Variants in IMMP2L observed in about 807,000 individuals in gnomAD.
IMMP2L encodes inner mitochondrial membrane peptidase subunit 2.
In IMMP2L, 18 loss-of-function variants were observed where a neutral mutation model predicts 19.3. The observed-to-expected ratio is 0.93, with a 90% CI of 0.64 to 1.38. The LOEUF is 1.38. Among genes scored for constraint, IMMP2L ranks in the 40% most tolerant of loss-of-function variants. The pLI is 0.00. For missense variants in IMMP2L, 233 were observed against 218.2 expected, an observed-to-expected ratio of 1.07 and a Z score of -0.43; for synonymous variants, 76 against 73.0, an observed-to-expected ratio of 1.04 and a Z score of -0.21.
rs922989854 is a variant in IMMP2L, at chr7:111,417,156, A to C, written c.239+70082T>G. Among the ~76,000 whole-genome samples the C allele has an allele frequency of 3.3e-5, 5 of 151,792 alleles. No homozygotes were observed. In the South Asian group the frequency reaches 1.0e-3, roughly 31 times the overall value. On this transcript the variant is annotated intron_variant, in intron 3 of 5. Transcript: ENST00000405709. ...TTGAGTTTACCATAAAACTCATCAT[A>C]AAGCTTAAGCTTCAGGCCTCCTCAT...
At chr7:111,178,257 G>C (rs1586704120) in intron 3 of IMMP2L, among the ~76,000 whole-genome samples, 1 of 152,016 alleles carries the variant, frequency 6.6e-6, no homozygotes, top group Non-Finnish European at 1.5e-5. Context: ...ATGTGTAATA[G>C]CATTATGTCT....
At chr7:110,777,946 C>G (rs1438852584) in intron 5 of IMMP2L, among the ~76,000 whole-genome samples, 1 of 151,922 alleles carries the variant, frequency 6.6e-6, no homozygotes, top group Non-Finnish European at 1.5e-5. Context: ...CTAACATTTT[C>G]TAACTGATGG....
At position 110,773,116 on chromosome 7, in the gene IMMP2L, T is replaced by C. The variant is rs556638944; in HGVS notation, c.409-109395A>G. Among the ~76,000 whole-genome samples the C allele has an allele frequency of 2.0e-5, 3 of 152,214 alleles. No homozygotes were observed. In the East Asian group the frequency reaches 5.8e-4, roughly 30 times the overall value. ...ACCTAAAAAAGGGTTCTGGTCATCT[T>C]GGAGCAACGTTTCACAAGACACTGT... On this transcript the variant is annotated intron_variant, in intron 5 of 5. Transcript: ENST00000405709.
At chr7:111,060,524 C>G (rs7455821) in intron 3 of IMMP2L, among the ~76,000 whole-genome samples, 116,730 of 152,082 alleles carry the variant, frequency 0.77, 47,775 homozygotes, top group Non-Finnish European at 0.9. Context: ...GGGCTCAGAA[C>G]CAGGCATGTC....
At chr7:110,778,773 C>T (rs12530971) in intron 5 of IMMP2L, among the ~76,000 whole-genome samples, 36,712 of 151,692 alleles carry the variant, frequency 0.24, 5,109 homozygotes, top group African/African-American at 0.38. Flanking sequence ...GTAACAGCAT[C>T]TATTTTTTTT....
At chr7:111,471,957 T>A (rs73426232) in intron 3 of IMMP2L, among the ~76,000 whole-genome samples, 3,539 of 152,208 alleles carry the variant, frequency 0.023, 137 homozygotes, top group African/African-American at 0.08. Flanking sequence ...GACTAGAACC[T>A]AGTCCGTGGG....
chr7:111,428,732 G>T (rs965275738), intron 3 of IMMP2L, among the ~76,000 whole-genome samples: 9 of 151,870 alleles, frequency 5.9e-5, no homozygotes, highest in South Asian at 2.1e-4. Context: ...AAGCTGAAAT[G>T]ACTATCTATA....
intron 1 of IMMP2L, among the ~76,000 whole-genome samples, chr7:111,523,623 C>T (rs369519258): frequency 1.4e-4 from 21 of 152,166 alleles, no homozygotes; most frequent in African/African-American, 5.1e-4. Flanking sequence ...ACATAACATT[C>T]ACCCAAACCA....
intron 3 of IMMP2L, among the ~76,000 whole-genome samples, chr7:111,431,369 G>C (rs762503060): frequency 6.6e-6 from 1 of 151,836 alleles, no homozygotes; most frequent in Non-Finnish European, 1.5e-5. Flanking sequence ...GAGCAAGTCA[G>C]TTTGCTTGGT....
intron 3 of IMMP2L, among the ~76,000 whole-genome samples, chr7:111,464,537 T>C (rs985653958): frequency 6.6e-6 from 1 of 152,152 alleles, no homozygotes; most frequent in Non-Finnish European, 1.5e-5. Context: ...GTGAAATATA[T>C]GCCAAATTAC....
intron 5 of IMMP2L, among the ~76,000 whole-genome samples, chr7:110,733,087 T>C (rs1210245082): frequency 6.6e-6 from 1 of 152,214 alleles, no homozygotes; most frequent in African/African-American, 2.4e-5. Flanking sequence ...GGCCTTCAAT[T>C]GCTTTGATAC....
chr7:111,377,473 C>G (rs185962453), intron 3 of IMMP2L, among the ~76,000 whole-genome samples: 2 of 152,038 alleles, frequency 1.3e-5, no homozygotes, highest in East Asian at 1.9e-4. Context: ...ATGCCCAGCA[C>G]CTGTTCCTGT....
intron 3 of IMMP2L, among the ~76,000 whole-genome samples, chr7:111,319,294 T>C (rs1048851886): frequency 2.6e-5 from 4 of 152,126 alleles, no homozygotes; most frequent in Non-Finnish European, 5.9e-5. Context: ...ATAGTTAAAG[T>C]CCTCATAAGC....
chr7:111,343,687 C>T (rs1336404631), intron 3 of IMMP2L, among the ~76,000 whole-genome samples: 1 of 151,622 alleles, frequency 6.6e-6, no homozygotes, highest in Admixed American at 6.6e-5. Context: ...CAATGCCAGC[C>T]CCATGCTGAG....
intron 4 of IMMP2L, among the ~76,000 whole-genome samples, chr7:110,950,868 A>G (rs866755112): frequency 1.4e-5 from 2 of 140,614 alleles, no homozygotes; most frequent in African/African-American, 5.5e-5. Flanking sequence ...ATATATATAT[A>G]TATGTATATA....
intron 3 of IMMP2L, among the ~76,000 whole-genome samples, chr7:111,442,886 G>A (rs928429816): frequency 1.3e-5 from 2 of 151,816 alleles, no homozygotes; most frequent in African/African-American, 2.4e-5. Context: ...AAATTGAGCT[G>A]GTTTGGACCT....
At chr7:110,849,948 T>A (rs1806032351) in intron 5 of IMMP2L, among the ~76,000 whole-genome samples, 1 of 152,074 alleles carries the variant, frequency 6.6e-6, no homozygotes, top group Non-Finnish European at 1.5e-5. Context: ...TCAAGTGGTC[T>A]TAGAGAATGT....
At chr7:111,000,601 T>C (rs1823564259) in intron 3 of IMMP2L, among the ~76,000 whole-genome samples, 1 of 152,206 alleles carries the variant, frequency 6.6e-6, no homozygotes, top group Non-Finnish European at 1.5e-5. Flanking sequence ...CCCAGTGCTT[T>C]GGGAGACCAA....
intron 4 of IMMP2L, among the ~76,000 whole-genome samples, chr7:110,890,927 T>G (rs1023690181): frequency 6.6e-6 from 1 of 152,168 alleles, no homozygotes; most frequent in Non-Finnish European, 1.5e-5. Flanking sequence ...AATTCTTGTT[T>G]CCACAAGAAA....
Sources: gnomAD v4.1 joint callset for allele counts (sites outside exome capture counted in the v4.1 genomes callset) on GRCh38, gnomAD v4.1.1 for gene constraint, MANE v1.5 for transcripts, NCBI Gene and HGNC (gene_info 2026-07-23, HGNC 2026-07-21) for gene names.